ZUP1: variants seen among roughly 807,000 people sequenced by gnomAD.
ZUP1 encodes the protein zinc finger containing ubiquitin peptidase 1.
In ZUP1, 55 loss-of-function variants were observed where a neutral mutation model predicts 68.1. The ratio of observed to expected loss-of-function variants is 0.81; its 90% confidence interval spans 0.65 to 1.01. The LOEUF is 1.01. Among genes scored for constraint, ZUP1 ranks in the 50% least tolerant of loss-of-function variants. The probability of loss-of-function intolerance (pLI) is 0.00; values close to 1 mark genes in which losing one functional copy is unlikely to be tolerated. For missense variants in ZUP1, 684 were observed against 674.9 expected (o/e 1.01, Z -0.15); for synonymous variants, 223 against 221.5 (o/e 1.01, Z -0.06).
intron 5 of ZUP1, among the ~76,000 whole-genome samples, chr6:116,652,864 A>C (rs1474173770): frequency 6.6e-6 from 1 of 152,080 alleles, no homozygotes; most frequent in East Asian, 1.9e-4. Flanking sequence ...TGTTATATGA[A>C]GTCTACAGAA....
intron 9 of ZUP1, among the ~76,000 whole-genome samples, chr6:116,636,511 G>A (rs1441623794): frequency 6.6e-6 from 1 of 152,126 alleles, no homozygotes. Context: ...AGGTGATATT[G>A]TCTAAAATAA....
intron 2 of ZUP1, among the ~76,000 whole-genome samples, chr6:116,662,998 CA>C (rs966923643): frequency 2.5e-4 from 38 of 152,320 alleles, no homozygotes; most frequent in Admixed American, 7.8e-4. Context: ...TTAGCAACTT[CA>C]ATATCCATAG....
rs1439685286 is a variant in ZUP1 at position 116,647,564 on chromosome 6, G to A, written c.1363C>T (p.His455Tyr). 1.9e-6 allele frequency: 3 copies of A among 1,597,584 alleles called. No individual in the cohort carries two copies. The change falls in exon 8 of 10, where the codon CAC (histidine) becomes TAC (tyrosine). Residue 455 changes from histidine (H) to tyrosine (Y), a missense_variant. By Grantham distance (83) the His-to-Tyr change is moderately conservative. Coordinates refer to ENST00000368576, the MANE Select transcript of ZUP1 (RefSeq NM_145062.3). ...AATATCCATTCAAATAAGCGAGGGTGTGTACCCAAAGGACCAGTTGATTTG... is the reference window on the plus strand; with the variant it reads ...AATATCCATTCAAATAAGCGAGGGTATGTACCCAAAGGACCAGTTGATTTG... ...FHKSTGPLGT[H>Y]PRLFEWILNY...
At chr6:116,655,388 G>T (rs983954051) in intron 5 of ZUP1, among the ~76,000 whole-genome samples, 4 of 152,106 alleles carry the variant, frequency 2.6e-5, no homozygotes, top group African/African-American at 7.2e-5. Context: ...TACATACATG[G>T]TAAGAGTACT....
At chr6:116,643,961 G>C (rs990274625) in intron 9 of ZUP1, among the ~76,000 whole-genome samples, 4 of 152,026 alleles carry the variant, frequency 2.6e-5, no homozygotes, top group African/African-American at 9.7e-5. Flanking sequence ...CTAATATCCA[G>C]AATCTACAAT....
Position 116,667,053 on chromosome 6 carries a change from T to A in ZUP1, c.140A>T (p.His47Leu). 6.2e-7 allele frequency: 1 copy of A among 1,613,856 alleles called. No homozygotes were observed. Among genetic ancestry groups the A allele is most frequent in the Non-Finnish European group, 8.5e-7 (1 of 1,179,886 alleles). The change falls in exon 2 of 10, where the codon CAT becomes CTT. Residue 47 changes from histidine to leucine, a missense_variant. His to Leu is a moderately conservative substitution (Grantham distance 99). Transcript: ENST00000368576. ...CTGCTCAAAATGAGCTGTTTCGATATGAAAACACATTTCATCATAATTCAC... is the reference window on the plus strand; with the variant it reads ...CTGCTCAAAATGAGCTGTTTCGATAAGAAAACACATTTCATCATAATTCAC... ...SGVNYDEMCFHIETAHFEQNT... is the reference protein window; with the variant it reads ...SGVNYDEMCFLIETAHFEQNT...
At chr6:116,658,623 T>C (rs1776740300) in intron 4 of ZUP1, among the ~76,000 whole-genome samples, 180 bp downstream of exon 4, 1 of 152,200 alleles carries the variant, frequency 6.6e-6, no homozygotes, top group African/African-American at 2.4e-5. Flanking sequence ...TTTTGAGATA[T>C]TGTATGTGAA....
intron 9 of ZUP1, among the ~76,000 whole-genome samples, chr6:116,640,967 AG>A (rs1340192077): frequency 6.7e-6 from 1 of 149,230 alleles, no homozygotes; most frequent in Non-Finnish European, 1.5e-5. Context: ...AGACACACAT[AG>A]GCTCAAAATA....
rs1437675407 is a variant in ZUP1 at position 116,656,663 on chromosome 6, C to T, written c.961+21G>A. 6.9e-6 allele frequency: 11 copies of T among 1,589,078 alleles called. No homozygotes were observed. The African/African-American group carries it at 1.5e-4, about 22-fold the overall frequency. ...GGTATAAGCAATATTAAAACAATGACTCTGATGTTTAAATACTCACCGGAA... is the reference window on the plus strand; with the variant it reads ...GGTATAAGCAATATTAAAACAATGATTCTGATGTTTAAATACTCACCGGAA... On this transcript the variant is annotated intron_variant, in intron 5 of 9. Coordinates refer to ENST00000368576, the MANE Select transcript of ZUP1 (RefSeq NM_145062.3).
intron 2 of ZUP1, among the ~76,000 whole-genome samples, chr6:116,666,104 A>G (rs757701860): frequency 6.6e-5 from 10 of 152,220 alleles, no homozygotes; most frequent in Non-Finnish European, 1.0e-4. Context: ...AAGCAAGGAT[A>G]TAAATAATCT....
At chr6:116,640,062 G>A (rs1220248925) in intron 9 of ZUP1, among the ~76,000 whole-genome samples, 1 of 152,256 alleles carries the variant, frequency 6.6e-6, no homozygotes, top group African/African-American at 2.4e-5. Flanking sequence ...AGGAGCCAAT[G>A]TGATCAGCTG....
chr6:116,664,964 G>A (rs1776955992), intron 2 of ZUP1, among the ~76,000 whole-genome samples: 1 of 151,904 alleles, frequency 6.6e-6, no homozygotes, highest in Non-Finnish European at 1.5e-5. Context: ...TAGAATATAT[G>A]AGAATAGCTT....
At chr6:116,644,606 G>A (rs1472153782) in intron 9 of ZUP1, among the ~76,000 whole-genome samples, 2 of 151,050 alleles carry the variant, frequency 1.3e-5, no homozygotes, top group African/African-American at 2.4e-5. Context: ...ACCAAACACC[G>A]CATGTTCTCA....
chr6:116,654,076 C>A (rs1776592621), intron 5 of ZUP1, among the ~76,000 whole-genome samples: 1 of 151,882 alleles, frequency 6.6e-6, no homozygotes, highest in African/African-American at 2.4e-5. Flanking sequence ...AAAATCTCTG[C>A]CACTAAATCA....
At chr6:116,668,123 C>T (rs895155547) in intron 1 of ZUP1, among the ~76,000 whole-genome samples, 1 of 152,222 alleles carries the variant, frequency 6.6e-6, no homozygotes, top group Non-Finnish European at 1.5e-5. Context: ...ATGACACTAT[C>T]ACTTCATTTA....
intron 9 of ZUP1, among the ~76,000 whole-genome samples, chr6:116,639,190 C>T (rs1348010572): frequency 6.6e-6 from 1 of 152,216 alleles, no homozygotes; most frequent in Non-Finnish European, 1.5e-5. Context: ...CCGGGAAGCT[C>T]GAACTGGGTG....
At chr6:116,652,234 T>C (rs1296398906) in intron 5 of ZUP1, 42 bp from the exon 6 acceptor site, 1 of 1,485,484 alleles carries the variant, frequency 6.7e-7, no homozygotes, top group Admixed American at 1.9e-5. Context: ...TTATCACCTT[T>C]ATATTGCTAT....
At chr6:116,642,241 G>A (rs1346001496) in intron 9 of ZUP1, among the ~76,000 whole-genome samples, 12 of 152,074 alleles carry the variant, frequency 7.9e-5, no homozygotes, top group South Asian at 2.1e-4. Flanking sequence ...ATTCACAGCC[G>A]AATTCTACCA....
intron 3 of ZUP1, 94 bp from the exon 4 acceptor site, chr6:116,659,018 G>C: frequency 8.9e-7 from 1 of 1,127,148 alleles, no homozygotes; most frequent in Non-Finnish European, 1.2e-6. Context: ...AGTAAATGCT[G>C]TTATTTGCCA....
Sources: gnomAD v4.1 joint callset for allele counts (sites outside exome capture counted in the v4.1 genomes callset) on GRCh38, gnomAD v4.1.1 for gene constraint, MANE v1.5 for transcripts, NCBI Gene and HGNC (gene_info 2026-07-23, HGNC 2026-07-21) for gene names.